Variants in RBMX2 observed in about 807,000 individuals in gnomAD.
RBMX2 encodes RNA-binding motif protein, X-linked 2.
For synonymous variants in RBMX2, 77 were observed against 94.3 expected, an observed-to-expected ratio of 0.82 and a Z score of 1.07; for missense variants, 191 against 256.0, an observed-to-expected ratio of 0.75 and a Z score of 1.73.
rs113335102 is a variant in RBMX2 at position 130,408,157 on chromosome X, C to CTTGTTTGT, written c.174-1085_174-1078dup. Reference sequence around the variant, plus strand: ...TTTTTTTTCTATTTAATTCTGCCTTCTTGTTTGTTTGTTTGTTTGTTTTAG... The same window carrying CTTGTTTGT: ...TTTTTTTTCTATTTAATTCTGCCTTCTTGTTTGTTTGTTTGTTTGTTTGTTTGTTTTAG... On this transcript the variant is annotated intron_variant, in intron 3 of 5. Transcript: ENST00000305536. Among the ~76,000 whole-genome samples, 19 of 107,107 alleles carry CTTGTTTGT rather than the reference C, an allele frequency of 1.8e-4. No homozygotes were observed. The Admixed American group carries it at 1.9e-3, about 11-fold the overall frequency. 93.0% of individuals were successfully genotyped at this position (107,107 alleles called of 115,157 possible).
chrX:130,407,828 A>C (rs373482073), intron 3 of RBMX2, among the ~76,000 whole-genome samples: 7 of 110,021 alleles, frequency 6.4e-5, no homozygotes, highest in African/African-American at 2.3e-4. Flanking sequence ...CTAATTAAAA[A>C]AAATTTTTTT....
At chrX:130,409,189 T>C in intron 3 of RBMX2, 68 bp from the exon 4 acceptor site, 1 of 1,001,526 alleles carries the variant, frequency 1.0e-6, no homozygotes, top group Non-Finnish European at 1.4e-6. Flanking sequence ...GAATTTTGTT[T>C]TATTACCTTA....
At chrX:130,403,955 G>A (rs2034470390) in intron 3 of RBMX2, 102 bp downstream of exon 3, 1 of 819,371 alleles carries the variant, frequency 1.2e-6, no homozygotes, top group Non-Finnish European at 1.8e-6. Context: ...ACTCTAGGCT[G>A]AATGGCATCC....
chrX:130,410,447 C>T (rs774059043), intron 4 of RBMX2, among the ~76,000 whole-genome samples: 41 of 110,723 alleles, frequency 3.7e-4, no homozygotes, highest in Admixed American at 1.8e-3. Flanking sequence ...AGTGCAGTGG[C>T]GTGGTCTTGG....
chrX:130,411,284 T>G (rs1157006308), intron 4 of RBMX2, 64 bp from the exon 5 acceptor site: 3 of 1,013,445 alleles, frequency 3.0e-6, no homozygotes, highest in Non-Finnish European at 4.0e-6. Flanking sequence ...GTAGCTTGTG[T>G]TCAAATAGTT....
chrX:130,402,224 T>TGCCCCCCC, intron 1 of RBMX2, 31 bp from the exon 2 acceptor site: 2 of 1,174,326 alleles, frequency 1.7e-6, no homozygotes, highest in Non-Finnish European at 2.3e-6. Context: ...CTTTTCTGCC[T>TGCCCCCCC]ACCCTCCCCA....
chrX:130,407,240 C>G (rs1025870519), intron 3 of RBMX2, among the ~76,000 whole-genome samples: 3 of 110,262 alleles, frequency 2.7e-5, no homozygotes, highest in East Asian at 5.6e-4. Flanking sequence ...GATCCCCCAG[C>G]TGTTAGCATT....
In RBMX2 at chrX:130,406,918, T is replaced by C. The variant is rs1010774186; in HGVS notation, c.174-2339T>C. 8.1e-5 allele frequency among the ~76,000 whole-genome samples: 9 copies of C among 111,511 alleles called. No individual in the cohort carries two copies. The South Asian group carries it at 1.5e-3, about 19-fold the overall frequency. On this transcript the variant is annotated intron_variant, in intron 3 of 5. Transcript: ENST00000305536. The stretch of plus-strand genomic sequence containing the variant: ...CATTAGAAATTAAAGGTGTCAGATA[T>C]GGAATTTTCCACTTGTGATACCATG...
At chrX:130,402,664 G>A (rs776103740) in intron 2 of RBMX2, among the ~76,000 whole-genome samples, 1 of 111,740 alleles carries the variant, frequency 8.9e-6, no homozygotes, top group Non-Finnish European at 1.9e-5. Flanking sequence ...GGAAATTGGG[G>A]TGCAGAGAAG....
Position 130,412,475 on chromosome X carries a change from A to C in RBMX2, c.596A>C (p.Asp199Ala). ...PRRKTVKEKD[D>A]TGPKKHSSKN... Reference sequence around the variant, plus strand: ...CGCAAGACAGTAAAGGAAAAGGATGACACTGGCCCTAAGAAGCACAGCAGC... The same window carrying C: ...CGCAAGACAGTAAAGGAAAAGGATGCCACTGGCCCTAAGAAGCACAGCAGC... Residue 199 changes from aspartate (D) to alanine (A), a missense_variant, in exon 6 of 6, where the codon GAC (aspartate) becomes GCC (alanine). Asp to Ala is a moderately radical substitution (Grantham distance 126). Transcript: ENST00000305536. 2.5e-6 allele frequency: 3 copies of C among 1,210,635 alleles called. No homozygotes were observed. The highest frequency in any genetic ancestry group is 3.4e-6 in the Non-Finnish European group (3 of 895,187).
At position 130,412,955 on chromosome X, in the gene RBMX2, C is replaced by A. The variant is rs1353961697; in HGVS notation, c.*107C>A. 4 of 814,063 alleles carry A rather than the reference C, an allele frequency of 4.9e-6. No homozygotes were observed. The highest frequency in any genetic ancestry group is 4.2e-5 in the African/African-American group (2 of 47,225). 67.1% of individuals were successfully genotyped at this position (814,063 alleles called of 1,213,427 possible). The stretch of plus-strand genomic sequence containing the variant: ...TATCTAAAACTTCTGGGGCTGGATT[C>A]TTTTAATCCCTTGACTATTTAGAGT... On this transcript the variant is annotated 3_prime_UTR_variant, in exon 6 of 6. Transcript: ENST00000305536.
At chrX:130,410,254 G>T (rs1242297509) in intron 4 of RBMX2, among the ~76,000 whole-genome samples, 1 of 111,660 alleles carries the variant, frequency 9.0e-6, no homozygotes, top group Non-Finnish European at 1.9e-5. Flanking sequence ...TAGGCCTTAA[G>T]GTAAAAATAA....
intron 2 of RBMX2, among the ~76,000 whole-genome samples, chrX:130,402,973 T>C (rs1354675687): frequency 5.3e-5 from 6 of 113,060 alleles, no homozygotes; most frequent in African/African-American, 1.9e-4. Context: ...TTAACTCTTA[T>C]AATAATCTTG....
chrX:130,412,964 C>A lies in RBMX2; in HGVS notation c.*116C>A. Reference sequence around the variant, plus strand: ...CTTCTGGGGCTGGATTCTTTTAATCCCTTGACTATTTAGAGTCATTGGGAG... The same window carrying A: ...CTTCTGGGGCTGGATTCTTTTAATCACTTGACTATTTAGAGTCATTGGGAG... On this transcript the variant is annotated 3_prime_UTR_variant, in exon 6 of 6. Coordinates refer to ENST00000305536, the MANE Select transcript of RBMX2 (RefSeq NM_016024.4). 2.5e-6 allele frequency: 2 copies of A among 786,442 alleles called. No homozygotes were observed. Among genetic ancestry groups the A allele is most frequent in the South Asian group, 2.8e-5 (1 of 35,657 alleles). The allele number at this position is 786,442 out of a possible 1,213,427, so 64.8% of individuals were successfully genotyped here. A position where few individuals can be genotyped will look rare whatever the true frequency, so the allele number is the denominator to read the frequency against.
At chrX:130,407,196 A>G (rs1222076516) in intron 3 of RBMX2, among the ~76,000 whole-genome samples, 2 of 109,120 alleles carry the variant, frequency 1.8e-5, no homozygotes, top group Non-Finnish European at 3.8e-5. Flanking sequence ...ACATTATCAA[A>G]TGGCATAAAG....
chrX:130,411,344 T>G lies in RBMX2; in HGVS notation c.304-4T>G, dbSNP rs1284681904. On this transcript the variant is annotated splice_polypyrimidine_tract_variant and splice_region_variant and intron_variant, in intron 4 of 5. Coordinates refer to ENST00000305536, the MANE Select transcript of RBMX2 (RefSeq NM_016024.4). ...TTCACTGAAGCATCGCCTGTCTTGC[T>G]TAGATCAAAGGAAGAACTATCCGAG... The G allele has an allele frequency of 1.7e-6, 2 of 1,176,058 alleles. No individual in the cohort carries two copies. The highest frequency in any genetic ancestry group is 4.9e-5 in the Admixed American group (2 of 40,724).
At chrX:130,403,745 T>A in intron 2 of RBMX2, 57 bp from the exon 3 acceptor site, 1 of 1,077,811 alleles carries the variant, frequency 9.3e-7, no homozygotes, top group Non-Finnish European at 1.3e-6. Context: ...TAGTGCGTGG[T>A]ATGTAGTAAA....
chrX:130,403,825 G>A lies in RBMX2; in HGVS notation c.145G>A (p.Glu49Lys). Residue 49 changes from glutamate to lysine, a missense_variant, in exon 3 of 6, where the codon GAA becomes AAA. Physicochemically the swap from Glu to Lys is moderately conservative, Grantham distance 56 (BLOSUM62 1). Coordinates refer to ENST00000305536, the MANE Select transcript of RBMX2 (RefSeq NM_016024.4). The stretch of plus-strand genomic sequence containing the variant: ...AGGAGGGCTTCCTTATGAACTGACT[G>A]AAGGGGACATCATCTGTGTGTTCTC... ...FLGGLPYELT[E>K]GDIICVFSQY... is the part of the protein sequence containing the mutation. The A allele has an allele frequency of 8.3e-7, 1 of 1,211,010 alleles. No individual in the cohort carries two copies. The highest frequency in any genetic ancestry group is 1.1e-6 in the Non-Finnish European group (1 of 894,457).
chrX:130,407,824 A>T (rs1265681772), intron 3 of RBMX2, among the ~76,000 whole-genome samples: 2 of 109,737 alleles, frequency 1.8e-5, no homozygotes, highest in African/African-American at 6.6e-5. Flanking sequence ...CTGGCTAATT[A>T]AAAAAAATTT....
Sources: allele counts gnomAD v4.1 joint callset (sites outside exome capture counted in the v4.1 genomes callset), GRCh38; gene constraint gnomAD v4.1.1; transcripts MANE v1.5; gene names NCBI Gene and HGNC (gene_info 2026-07-23, HGNC 2026-07-21).